GALNT9: variants seen among roughly 807,000 people sequenced by gnomAD.
The protein encoded by GALNT9 is polypeptide N-acetylgalactosaminyltransferase 9, also known as GalNAc transferase 9.
GALNT9 carries 47 observed loss-of-function variants against 63.1 expected under a neutral mutation model. The ratio of observed to expected loss-of-function variants is 0.75; its 90% CI spans 0.59 to 0.95. The LOEUF (loss-of-function observed/expected upper bound fraction) is 0.95. GALNT9 is among the 40% of genes least tolerant of loss of function. GALNT9 has a pLI of 0.00. For missense variants in GALNT9, 829 were observed against 874.8 expected, an observed-to-expected ratio of 0.95 and a Z score of 0.66; for synonymous variants, 396 against 365.7, an observed-to-expected ratio of 1.08 and a Z score of -0.94.
intron 2 of GALNT9, among the ~76,000 whole-genome samples, chr12:132,284,864 C>T (rs141294134): frequency 1.3e-5 from 2 of 152,352 alleles, no homozygotes; most frequent in East Asian, 1.9e-4. Context: ...CTCCACGCAG[C>T]CCGGGGCGCT....
At chr12:132,295,221 C>T (rs529692492) in intron 1 of GALNT9, among the ~76,000 whole-genome samples, 1 of 152,332 alleles carries the variant, frequency 6.6e-6, no homozygotes, top group South Asian at 2.1e-4. Flanking sequence ...TCTTCCCACC[C>T]CCAATGCCCT....
intron 1 of GALNT9, among the ~76,000 whole-genome samples, chr12:132,324,625 A>G (rs932569946): frequency 5.9e-5 from 9 of 152,160 alleles, no homozygotes; most frequent in African/African-American, 1.9e-4. Flanking sequence ...GCTGAAGCAG[A>G]TGCCATGGCC....
At chr12:132,272,267 G>A (rs986456196) in intron 2 of GALNT9, among the ~76,000 whole-genome samples, 5 of 152,244 alleles carry the variant, frequency 3.3e-5, no homozygotes, top group Admixed American at 6.5e-5. Flanking sequence ...CCCTCAACGG[G>A]ACAGAGTGGG....
chr12:132,294,070 C>G (rs1880960534), intron 1 of GALNT9, among the ~76,000 whole-genome samples: 1 of 152,266 alleles, frequency 6.6e-6, no homozygotes, highest in African/African-American at 2.4e-5. Flanking sequence ...TTTGCAAACA[C>G]AGAATCTGTG....
At chr12:132,293,004 G>C (rs577338115) in intron 1 of GALNT9, among the ~76,000 whole-genome samples, 2 of 152,356 alleles carry the variant, frequency 1.3e-5, no homozygotes, top group African/African-American at 2.4e-5. Context: ...CCGCACACTT[G>C]AAGGGGTATT....
chr12:132,197,301 C>A, intron 10 of GALNT9, 48 bp from the exon 11 acceptor site: 1 of 1,595,618 alleles, frequency 6.3e-7, no homozygotes, highest in Non-Finnish European at 8.5e-7. Context: ...CGTCCTTGTT[C>A]CCCCTCCCCC....
chr12:132,320,038 T>C (rs1868709732), intron 1 of GALNT9, among the ~76,000 whole-genome samples: 1 of 152,202 alleles, frequency 6.6e-6, no homozygotes, highest in Non-Finnish European at 1.5e-5. Flanking sequence ...GTTCACTCTG[T>C]CAGACTTGAG....
intron 1 of GALNT9, among the ~76,000 whole-genome samples, chr12:132,288,048 G>A (rs1880673054): frequency 6.6e-6 from 1 of 152,190 alleles, no homozygotes; most frequent in Non-Finnish European, 1.5e-5. Context: ...ACACAAACTT[G>A]TGAAATACCC....
rs145986764 is a variant in GALNT9, at chr12:132,312,431, G to A, written c.238+16535C>T. ...CTGACCCAGGTTTGGGTTTAAGGGCGGCTGGGAGCAAGGGTGTCCCATCAC... is the reference window on the plus strand; with the variant it reads ...CTGACCCAGGTTTGGGTTTAAGGGCAGCTGGGAGCAAGGGTGTCCCATCAC... On this transcript the variant is annotated intron_variant, in intron 1 of 10. Coordinates refer to ENST00000328957, the MANE Select transcript of GALNT9 (RefSeq NM_001122636.2). Among the ~76,000 whole-genome samples the A allele has an allele frequency of 9.2e-5, 14 of 152,330 alleles. No individual in the cohort carries two copies. The East Asian group carries it at 1.2e-3, about 13-fold the overall frequency.
At chr12:132,260,816 C>T in intron 4 of GALNT9, 132 bp downstream of exon 4, 1 of 1,295,652 alleles carries the variant, frequency 7.7e-7, no homozygotes, top group Non-Finnish European at 1.0e-6. Context: ...GTCCCAGATC[C>T]TGAAGGCTAC....
Position 132,201,016 on chromosome 12 carries a change from C to T in GALNT9, c.1401+108G>A, listed in dbSNP as rs928589078. The T allele has an allele frequency of 4.5e-6, 5 of 1,119,680 alleles. No individual in the cohort carries two copies. The African/African-American group carries it at 6.1e-5, about 14-fold the overall frequency. 69.4% of individuals were successfully genotyped at this position (1,119,680 alleles called of 1,614,324 possible). A position where few individuals can be genotyped will look rare whatever the true frequency, so the allele number is the denominator to read the frequency against. ...TGGGACCCTCTGGGGGAGGCGCTAC[C>T]TCTCCGTGTGCATGTGGATGTGCCT... On this transcript the variant is annotated intron_variant, in intron 8 of 10. Coordinates refer to ENST00000328957, the MANE Select transcript of GALNT9 (RefSeq NM_001122636.2).
intron 6 of GALNT9, among the ~76,000 whole-genome samples, chr12:132,204,776 T>TA (rs903280776): frequency 1.3e-5 from 2 of 151,518 alleles, no homozygotes; most frequent in South Asian, 2.1e-4. Flanking sequence ...TCCACCCCAT[T>TA]AAAAAAAGGC....
At chr12:132,225,369 C>T (rs977573538) in intron 6 of GALNT9, among the ~76,000 whole-genome samples, 2 of 143,646 alleles carry the variant, frequency 1.4e-5, no homozygotes, top group Admixed American at 1.4e-4. Flanking sequence ...ACAACTCACA[C>T]CCCACACGCT....
intron 6 of GALNT9, among the ~76,000 whole-genome samples, chr12:132,204,214 G>T (rs1030009354): frequency 6.6e-6 from 1 of 152,176 alleles, no homozygotes; most frequent in South Asian, 2.1e-4. Flanking sequence ...GAACCCCCAC[G>T]CGCAGCAGAA....
At chr12:132,227,455 C>T (rs955932842) in intron 6 of GALNT9, among the ~76,000 whole-genome samples, 1 of 152,228 alleles carries the variant, frequency 6.6e-6, no homozygotes. Context: ...GGCACACGCA[C>T]GCACCACAGA....
intron 6 of GALNT9, among the ~76,000 whole-genome samples, chr12:132,214,302 G>A (rs918109070): frequency 1.3e-5 from 2 of 152,196 alleles, no homozygotes; most frequent in Non-Finnish European, 1.5e-5. Flanking sequence ...AGGGATGAAG[G>A]GGGCGAGCAG....
chr12:132,206,981 C>T (rs1876735893), intron 6 of GALNT9, among the ~76,000 whole-genome samples: 1 of 152,202 alleles, frequency 6.6e-6, no homozygotes, highest in Non-Finnish European at 1.5e-5. Context: ...GGGAGGATCA[C>T]CTGAGCCCGG....
chr12:132,303,377 T>TCACCCGGGCACACC (rs1566018919), intron 1 of GALNT9, among the ~76,000 whole-genome samples: 22 of 148,762 alleles, frequency 1.5e-4, no homozygotes, highest in Middle Eastern at 3.5e-3. Flanking sequence ...AGCAGCACCC[T>TCACCCGGGCACACC]CTCCGGGGCA....
At position 132,286,112 on chromosome 12, in the gene GALNT9, G is replaced by C; in HGVS notation, c.419+138C>G. On this transcript the variant is annotated intron_variant, in intron 2 of 10. Transcript: ENST00000328957. The surrounding 1 kb of genome is among the most constrained non-coding windows in gnomAD (Gnocchi z 7.4). ...CGGTCACTTCCCCGGCGGGCGTGGG[G>C]GGCGGTCACTTCCCTGGCGGGCGTG... is the stretch of plus-strand genomic sequence containing the variant. 1 of 1,155,996 alleles carries C rather than the reference G, an allele frequency of 8.7e-7. No homozygotes were observed. Among genetic ancestry groups the C allele is most frequent in the Non-Finnish European group, 1.2e-6 (1 of 854,010 alleles). 71.6% of individuals were successfully genotyped at this position (1,155,996 alleles called of 1,614,324 possible).
Sources: gnomAD v4.1 joint callset for allele counts (sites outside exome capture counted in the v4.1 genomes callset) on GRCh38, gnomAD v4.1.1 for gene constraint, Gnocchi (gnomAD v3.1) non-coding constraint, MANE v1.5 for transcripts, NCBI Gene and HGNC (gene_info 2026-07-23, HGNC 2026-07-21) for gene names.